AFF3: variants seen among roughly 807,000 people sequenced by gnomAD.
The protein encoded by AFF3 is AF4/FMR2 family member 3.
AFF3 carries 32 observed loss-of-function variants against 129.7 expected under a neutral mutation model. That is an observed-to-expected ratio of 0.25 (90% CI 0.19 to 0.33). The LOEUF (loss-of-function observed/expected upper bound fraction) is 0.33, where lower values mean the gene tolerates loss of function less well. Among genes scored for constraint, AFF3 ranks in the 10% least tolerant of loss-of-function variants. The probability of loss-of-function intolerance (pLI) is 1.00; values close to 1 mark genes in which losing one functional copy is unlikely to be tolerated. For missense variants in AFF3, 1,373 were observed against 1,592.0 expected (o/e 0.86, Z 2.34); for synonymous variants, 644 against 635.4 (o/e 1.01, Z -0.20).
intron 8 of AFF3, among the ~76,000 whole-genome samples, chr2:99,755,985 T>C (rs1382856958): frequency 6.6e-6 from 1 of 152,256 alleles, no homozygotes; most frequent in Non-Finnish European, 1.5e-5. Context: ...TCTCTGATTC[T>C]ATACTTGGGC....
intron 7 of AFF3, among the ~76,000 whole-genome samples, chr2:99,863,169 G>C (rs1691125563): frequency 6.6e-6 from 1 of 152,210 alleles, no homozygotes; most frequent in South Asian, 2.1e-4. Flanking sequence ...GAGAAGAAAA[G>C]CGTAAGCTTT....
intron 7 of AFF3, among the ~76,000 whole-genome samples, chr2:99,991,677 C>T (rs560094618): frequency 7.0e-4 from 107 of 152,140 alleles, no homozygotes; most frequent in Admixed American, 1.5e-3. Context: ...CAAAGGCGGG[C>T]GGATAATTTG....
intron 12 of AFF3, among the ~76,000 whole-genome samples, chr2:99,653,382 T>C (rs562554796): frequency 1.1e-3 from 167 of 152,300 alleles, no homozygotes; most frequent in African/African-American, 3.9e-3. Context: ...TCCCTAGTCA[T>C]GGAAATAGAC....
At position 99,786,099 on chromosome 2, in the gene AFF3, C is replaced by T. The variant is rs151185323; in HGVS notation, c.922-33798G>A. ...CTCTGCCTGATGCCCCATGGCCATT[C>T]GTTGAGTGCGGACTCTCAAATCTTG... On this transcript the variant is annotated intron_variant, in intron 8 of 24. Transcript: ENST00000672756. Among the ~76,000 whole-genome samples the T allele has an allele frequency of 6.7e-3, 1,019 of 152,260 alleles. 13 individuals carry two copies. The highest frequency in any genetic ancestry group is 0.023 in the African/African-American group (953 of 41,534).
chr2:99,960,968 C>A (rs1677159851), intron 7 of AFF3, among the ~76,000 whole-genome samples: 1 of 152,202 alleles, frequency 6.6e-6, no homozygotes, highest in African/African-American at 2.4e-5. Context: ...GCTCCTGGCT[C>A]CCCACAGGCA....
intron 18 of AFF3, among the ~76,000 whole-genome samples, chr2:99,576,543 G>C (rs867400933): frequency 1.4e-5 from 2 of 147,090 alleles, no homozygotes; most frequent in African/African-American, 5.0e-5. Flanking sequence ...AAAAGTCCAA[G>C]TACCTGTAGA....
chr2:99,664,785 G>T (rs1265359667), intron 12 of AFF3, among the ~76,000 whole-genome samples: 4 of 152,224 alleles, frequency 2.6e-5, no homozygotes, highest in Non-Finnish European at 4.4e-5. Flanking sequence ...TAGCAGTTCT[G>T]CTGTGCCAGA....
At chr2:100,038,881 C>A (rs1226853431) in intron 4 of AFF3, among the ~76,000 whole-genome samples, 1 of 151,942 alleles carries the variant, frequency 6.6e-6, no homozygotes, top group South Asian at 2.1e-4. Context: ...CACGACCACG[C>A]CCGGCTAATT....
chr2:99,716,359 G>A (rs1678381029), intron 11 of AFF3, among the ~76,000 whole-genome samples: 1 of 152,116 alleles, frequency 6.6e-6, no homozygotes, highest in South Asian at 2.1e-4. Flanking sequence ...TAAGAGCTTG[G>A]CTTCTAGGAT....
At chr2:99,559,998 C>G (rs1438458872) in intron 21 of AFF3, among the ~76,000 whole-genome samples, 1 of 152,232 alleles carries the variant, frequency 6.6e-6, no homozygotes, top group Non-Finnish European at 1.5e-5. Flanking sequence ...CGATGGCTCA[C>G]GCCTGTAATC....
intron 11 of AFF3, among the ~76,000 whole-genome samples, chr2:99,675,770 G>A (rs887827526): frequency 6.6e-5 from 10 of 152,152 alleles, no homozygotes; most frequent in Admixed American, 1.3e-4. Flanking sequence ...AGGCATGGCC[G>A]CCTTCACCAA....
At position 100,117,597 on chromosome 2, in the gene AFF3, C is replaced by G. The variant is rs185569957; in HGVS notation, c.-145+11627G>C. Among the ~76,000 whole-genome samples the G allele has an allele frequency of 3.6e-3, 549 of 152,282 alleles. 2 individuals carry two copies. The highest frequency in any genetic ancestry group is 6.2e-3 in the Non-Finnish European group (421 of 68,034). On this transcript the variant is annotated intron_variant, in intron 2 of 24. Transcript: ENST00000672756. ...GGTCTACTGACTCTTTTACGTGGAG[C>G]GCATAGGTGTCTATTTCTCCTATCT...
At chr2:99,659,928 G>A (rs995250423) in intron 12 of AFF3, among the ~76,000 whole-genome samples, 9 of 152,176 alleles carry the variant, frequency 5.9e-5, no homozygotes, top group African/African-American at 2.2e-4. Context: ...TCTGTGGCCT[G>A]CTCATCTGGG....
intron 11 of AFF3, among the ~76,000 whole-genome samples, chr2:99,722,692 T>C (rs188351751): frequency 6.6e-6 from 1 of 152,342 alleles, no homozygotes; most frequent in East Asian, 1.9e-4. Context: ...ACTACGCTCA[T>C]TGGCATATTC....
rs369217598 is a variant in AFF3 at position 99,727,155 on chromosome 2, C to T, written c.1040-27G>A. On this transcript the variant is annotated intron_variant, in intron 10 of 24. Transcript: ENST00000672756. The stretch of plus-strand genomic sequence containing the variant: ...TTAAAAAGGAAGCAGAAAAAAATAC[C>T]GACATATGAGTCTTACAGTCTTTAA... 1.1e-5 allele frequency: 17 copies of T among 1,597,960 alleles called. No individual in the cohort carries two copies. In the East Asian group the frequency reaches 1.1e-4, roughly 11 times the overall value.
At chr2:99,660,516 T>C (rs756698484) in intron 12 of AFF3, among the ~76,000 whole-genome samples, 1 of 152,234 alleles carries the variant, frequency 6.6e-6, no homozygotes, top group Non-Finnish European at 1.5e-5. Flanking sequence ...GTTATCAGGA[T>C]TTTTACCTCT....
rs541367066 is a variant in AFF3 at position 99,746,091 on chromosome 2, C to T, written c.1003-1951G>A. Reference sequence around the variant, plus strand: ...ACCACTATATAATTTATCCATGTAACCAAAAACCACTTGTACCCCAAAAGC... The same window carrying T: ...ACCACTATATAATTTATCCATGTAATCAAAAACCACTTGTACCCCAAAAGC... On this transcript the variant is annotated intron_variant, in intron 9 of 24. Transcript: ENST00000672756. 2.7e-5 allele frequency among the ~76,000 whole-genome samples: 4 copies of T among 150,642 alleles called. No homozygotes were observed. The South Asian group carries it at 6.3e-4, about 24-fold the overall frequency.
At chr2:99,820,252 C>T (rs1385126577) in intron 8 of AFF3, among the ~76,000 whole-genome samples, 2 of 152,078 alleles carry the variant, frequency 1.3e-5, no homozygotes, top group Admixed American at 1.3e-4. Context: ...TTGCTCATAG[C>T]CTACAAAACT....
intron 4 of AFF3, among the ~76,000 whole-genome samples, chr2:100,044,764 A>T (rs113033142): frequency 8.8e-4 from 134 of 152,162 alleles, no homozygotes; most frequent in South Asian, 3.5e-3. Flanking sequence ...CCTTAAAATA[A>T]TCTATGGATG....
Sources: allele counts gnomAD v4.1 joint callset (sites outside exome capture counted in the v4.1 genomes callset), GRCh38; gene constraint gnomAD v4.1.1; transcripts MANE v1.5; gene names NCBI Gene and HGNC (gene_info 2026-07-23, HGNC 2026-07-21).